LOC128125818: variants seen among roughly 807,000 people sequenced by gnomAD.
the LOC128125818 span, among the ~76,000 whole-genome samples, chr4:6,067,641 CTG>C: frequency 6.8e-6 from 1 of 146,866 alleles, no homozygotes; most frequent in African/African-American, 2.5e-5. The surrounding 1 kb of genome is among the most constrained non-coding windows in gnomAD (Gnocchi z 4.6). Context: ...TCAAGCTCTT[CTG>C]CACACACACA....
the LOC128125818 span, among the ~76,000 whole-genome samples, chr4:6,066,680 G>GAA: frequency 6.6e-6 from 1 of 151,630 alleles, no homozygotes; most frequent in African/African-American, 2.4e-5. Context: ...GCCCTCCCTG[G>GAA]GAGAAACCCT....
At chr4:6,070,031 C>T in the LOC128125818 span, 12 of 398,564 alleles carry the variant, frequency 3.0e-5, no homozygotes, top group South Asian at 2.5e-4. Flanking sequence ...AACCTCAAAA[C>T]GCAAAACCCC....
At chr4:6,068,331 T>C in the LOC128125818 span, among the ~76,000 whole-genome samples, 3 of 152,158 alleles carry the variant, frequency 2.0e-5, no homozygotes, top group Admixed American at 6.5e-5. Context: ...TCATATCATA[T>C]GGCCCCAGAG....
the LOC128125818 span, among the ~76,000 whole-genome samples, chr4:6,066,412 C>A: frequency 1.3e-5 from 2 of 152,180 alleles, no homozygotes; most frequent in Non-Finnish European, 2.9e-5. Flanking sequence ...TGGCACCTGT[C>A]TTTCTGCTCA....
At chr4:6,066,480 C>A in the LOC128125818 span, among the ~76,000 whole-genome samples, 1 of 152,172 alleles carries the variant, frequency 6.6e-6, no homozygotes, top group African/African-American at 2.4e-5. Context: ...GAATACGACT[C>A]TCCCCCGAAC....
the LOC128125818 span, among the ~76,000 whole-genome samples, chr4:6,065,878 T>C: frequency 1.3e-5 from 2 of 152,232 alleles, no homozygotes; most frequent in East Asian, 1.9e-4. This position sits in a 1 kb window ranked among gnomAD's most constrained non-coding sequence, Gnocchi z 5.1. Flanking sequence ...GGGAATACAA[T>C]AGGATCATAA....
the LOC128125818 span, among the ~76,000 whole-genome samples, chr4:6,065,520 G>C: frequency 6.6e-6 from 1 of 152,234 alleles, no homozygotes; most frequent in South Asian, 2.1e-4. This position sits in a 1 kb window ranked among gnomAD's most constrained non-coding sequence, Gnocchi z 5.1. Context: ...GCTTGAAGGA[G>C]TGGAGAGCCC....
At chr4:6,065,089 T>C in the LOC128125818 span, 2 of 1,547,846 alleles carry the variant, frequency 1.3e-6, no homozygotes, top group Non-Finnish European at 1.8e-6. This position sits in a 1 kb window ranked among gnomAD's most constrained non-coding sequence, Gnocchi z 5.1. Context: ...GGCATGCCAG[T>C]GCAGGGGGGT....
the LOC128125818 span, chr4:6,065,139 G>A: frequency 6.1e-5 from 69 of 1,138,462 alleles, no homozygotes; most frequent in Admixed American, 4.7e-4. This position sits in a 1 kb window ranked among gnomAD's most constrained non-coding sequence, Gnocchi z 5.1. Flanking sequence ...CACAAGATGC[G>A]GTTGGTGGGC....
At chr4:6,068,067 G>A in the LOC128125818 span, among the ~76,000 whole-genome samples, 8 of 152,300 alleles carry the variant, frequency 5.3e-5, no homozygotes, top group East Asian at 3.9e-4. Context: ...TGGGGGCAAC[G>A]ACTCAATGCT....
the LOC128125818 span, among the ~76,000 whole-genome samples, chr4:6,068,558 CTTTTT>C: frequency 5.1e-5 from 7 of 136,308 alleles, no homozygotes; most frequent in African/African-American, 1.7e-4. Flanking sequence ...AATTTTTTAA[CTTTTT>C]TTTTTTTTTT....
the LOC128125818 span, among the ~76,000 whole-genome samples, chr4:6,069,555 C>T: frequency 6.6e-6 from 1 of 151,938 alleles, no homozygotes; most frequent in Non-Finnish European, 1.5e-5. The surrounding 1 kb of genome is among the most constrained non-coding windows in gnomAD (Gnocchi z 4.5). Flanking sequence ...TCAAGATCAA[C>T]CTGGGCCACA....
At chr4:6,065,467 AAGG>A in the LOC128125818 span, among the ~76,000 whole-genome samples, 1 of 152,196 alleles carries the variant, frequency 6.6e-6, no homozygotes, top group African/African-American at 2.4e-5. The surrounding 1 kb of genome is among the most constrained non-coding windows in gnomAD (Gnocchi z 5.1). Context: ...GCTCAGTTCT[AAGG>A]AGAAGAACTG....
At chr4:6,067,608 A>T in the LOC128125818 span, among the ~76,000 whole-genome samples, 1 of 146,664 alleles carries the variant, frequency 6.8e-6, no homozygotes, top group African/African-American at 2.6e-5. The surrounding 1 kb of genome is among the most constrained non-coding windows in gnomAD (Gnocchi z 4.6). Flanking sequence ...CACACAGGTC[A>T]CCCCCCTGAG....
At chr4:6,069,896 C>T in the LOC128125818 span, among the ~76,000 whole-genome samples, 9 of 152,010 alleles carry the variant, frequency 5.9e-5, no homozygotes, top group Admixed American at 4.6e-4. The surrounding 1 kb of genome is among the most constrained non-coding windows in gnomAD (Gnocchi z 4.5). Flanking sequence ...ACCCCCAAAA[C>T]AAATAGCCCC....
At chr4:6,069,263 G>A in the LOC128125818 span, among the ~76,000 whole-genome samples, 1 of 152,182 alleles carries the variant, frequency 6.6e-6, no homozygotes, top group South Asian at 2.1e-4. The surrounding 1 kb of genome is among the most constrained non-coding windows in gnomAD (Gnocchi z 4.5). Context: ...TCATTTTTTT[G>A]TGTCTCCACT....
At chr4:6,066,824 T>C in the LOC128125818 span, among the ~76,000 whole-genome samples, 1 of 152,154 alleles carries the variant, frequency 6.6e-6, no homozygotes, top group Non-Finnish European at 1.5e-5. Context: ...AGGCTACAAG[T>C]GGTCTGCGAG....
the LOC128125818 span, among the ~76,000 whole-genome samples, chr4:6,065,958 G>A: frequency 1.3e-5 from 2 of 152,154 alleles, no homozygotes; most frequent in Non-Finnish European, 2.9e-5. The surrounding 1 kb of genome is among the most constrained non-coding windows in gnomAD (Gnocchi z 5.1). Flanking sequence ...ACAATCACCA[G>A]ATCAATGTCT....
At chr4:6,066,024 A>G in the LOC128125818 span, among the ~76,000 whole-genome samples, 1 of 152,270 alleles carries the variant, frequency 6.6e-6, no homozygotes, top group Non-Finnish European at 1.5e-5. Context: ...GCCCCCGACA[A>G]GGATTTTTAT....
Sources: allele counts gnomAD v4.1 joint callset (sites outside exome capture counted in the v4.1 genomes callset), GRCh38; gene constraint gnomAD v4.1.1; non-coding constraint Gnocchi (gnomAD v3.1); transcripts MANE v1.5.